Variants in HMGB1 observed in about 807,000 individuals in gnomAD.
HMGB1 encodes high mobility group protein B1.
For synonymous variants in HMGB1, 81 were observed against 84.0 expected (o/e 0.96, Z 0.19); for missense variants, 79 against 253.5 (o/e 0.31, Z 4.67).
chr13:30,518,900 A>AT (rs1258378490), intron 1 of HMGB1, among the ~76,000 whole-genome samples: 6 of 147,138 alleles, frequency 4.1e-5, no homozygotes, highest in Non-Finnish European at 6.0e-5. Context: ...TTTTTATTTT[A>AT]TTTTATTTTT....
intron 1 of HMGB1, among the ~76,000 whole-genome samples, chr13:30,538,520 T>TTTCC (rs1868603230): frequency 7.6e-6 from 1 of 132,030 alleles, no homozygotes; most frequent in Admixed American, 7.2e-5. Flanking sequence ...CCTTTCTTTC[T>TTTCC]TTCCTTTCTT....
chr13:30,475,522 C>G (rs1887074577), intron 1 of HMGB1, among the ~76,000 whole-genome samples: 1 of 141,882 alleles, frequency 7.0e-6, no homozygotes, highest in Admixed American at 7.0e-5. Flanking sequence ...TTGAGACCAT[C>G]TCTAAAAAAA....
chr13:30,536,339 TTCTCC>T (rs1229174853), intron 1 of HMGB1, among the ~76,000 whole-genome samples: 1 of 152,220 alleles, frequency 6.6e-6, no homozygotes, highest in African/African-American at 2.4e-5. Context: ...ACTTTCCCCC[TTCTCC>T]TCTCCTAATT....
intron 1 of HMGB1, among the ~76,000 whole-genome samples, chr13:30,545,521 C>G (rs1157332309): frequency 6.6e-6 from 1 of 152,064 alleles, no homozygotes; most frequent in African/African-American, 2.4e-5. Context: ...ATTCTACTCA[C>G]TTCCTGTTTT....
intron 1 of HMGB1, among the ~76,000 whole-genome samples, chr13:30,549,723 T>C (rs1869335168): frequency 6.6e-6 from 1 of 151,332 alleles, no homozygotes; most frequent in Non-Finnish European, 1.5e-5. Flanking sequence ...TTTTTTTTTT[T>C]TGAGATGGAG....
Position 30,463,561 on chromosome 13 carries a change from C to T in HMGB1, c.120G>A (p.Glu40=), listed in dbSNP as rs757070583. The T allele has an allele frequency of 3.1e-6, 5 of 1,611,866 alleles. No homozygotes were observed. The African/African-American group carries it at 5.3e-5, about 17-fold the overall frequency. ...KHPDASVNFS[E]FSKKCSERWK... ...ACCTCTCTGAGCACTTCTTAGAAAA[C>T]TCTGAGAAGTTGACTGAAGCATCTG... is the stretch of plus-strand genomic sequence containing the variant. The change falls in exon 2 of 5, where the codon GAG becomes GAA. Residue 40 remains glutamate, a synonymous_variant. Coordinates refer to ENST00000341423, the MANE Select transcript of HMGB1 (RefSeq NM_002128.7).
intron 1 of HMGB1, among the ~76,000 whole-genome samples, chr13:30,564,447 CAGAG>C (rs767251860): frequency 6.6e-6 from 1 of 151,728 alleles, no homozygotes; most frequent in South Asian, 2.1e-4. Flanking sequence ...GCCTGGGCAA[CAGAG>C]AGAGAGAGAC....
chr13:30,478,582 GTA>G, intron 1 of HMGB1, among the ~76,000 whole-genome samples: 1 of 152,208 alleles, frequency 6.6e-6, no homozygotes, highest in Non-Finnish European at 1.5e-5. Flanking sequence ...TTGAAAAAGA[GTA>G]TGTATGAATC....
At chr13:30,554,715 AT>A in intron 1 of HMGB1, 1 of 770,110 alleles carries the variant, frequency 1.3e-6, no homozygotes, top group Non-Finnish European at 2.4e-6. Context: ...ACGGAAACAT[AT>A]TCTAGAGGAC....
intron 1 of HMGB1, among the ~76,000 whole-genome samples, chr13:30,495,475 CTTTTCT>C (rs1566005506): frequency 4.4e-4 from 62 of 141,614 alleles, no homozygotes; most frequent in Non-Finnish European, 6.3e-4. Flanking sequence ...TTTTCTTTTT[CTTTTCT>C]TTTTTTTTTT....
chr13:30,545,940 G>A (rs553289931), intron 1 of HMGB1, among the ~76,000 whole-genome samples: 5 of 152,186 alleles, frequency 3.3e-5, no homozygotes, highest in East Asian at 1.9e-4. Flanking sequence ...GGGCTCAAGC[G>A]AACCACCCAC....
chr13:30,602,179 A>G (rs1307514423), intron 1 of HMGB1, among the ~76,000 whole-genome samples: 3 of 150,962 alleles, frequency 2.0e-5, no homozygotes, highest in Non-Finnish European at 4.4e-5. Context: ...GGACACCAGC[A>G]CCACGGCCTC....
intron 1 of HMGB1, among the ~76,000 whole-genome samples, chr13:30,465,508 A>AT (rs1319113349): frequency 7.0e-4 from 102 of 146,428 alleles, no homozygotes; most frequent in Admixed American, 2.0e-3. Flanking sequence ...TAAAAAAAAA[A>AT]TTTTTTTTTT....
chr13:30,568,168 G>A (rs1386395439), intron 1 of HMGB1, among the ~76,000 whole-genome samples: 2 of 152,070 alleles, frequency 1.3e-5, no homozygotes, highest in Non-Finnish European at 2.9e-5. Context: ...CCCCCAAAAA[G>A]ATATGTCCAT....
rs887956703 is a variant in HMGB1, at chr13:30,458,953, T to G, written c.*2404A>C. On this transcript the variant is annotated 3_prime_UTR_variant, in exon 5 of 5. Transcript: ENST00000341423. ...ATTTGACTCGTTAATCAATATGCCA[T>G]ATGCCTATCTTTAAAATACAAAAAA... 9.2e-5 allele frequency: 14 copies of G among 152,212 alleles called. No individual in the cohort carries two copies. Among genetic ancestry groups the G allele is most frequent in the African/African-American group, 3.4e-4 (14 of 41,442 alleles). The allele number at this position is 152,212 out of a possible 1,614,324, so 9.4% of individuals were successfully genotyped here. A position where few individuals can be genotyped will look rare whatever the true frequency, so the allele number is the denominator to read the frequency against.
intron 1 of HMGB1, among the ~76,000 whole-genome samples, chr13:30,481,620 C>T (rs761029847): frequency 3.9e-5 from 6 of 152,184 alleles, no homozygotes; most frequent in East Asian, 1.9e-4. Context: ...CTGGCTCCCC[C>T]GGTGGGGCAA....
intron 1 of HMGB1, among the ~76,000 whole-genome samples, chr13:30,610,774 C>G (rs1295111758): frequency 6.6e-6 from 1 of 151,300 alleles, no homozygotes. Flanking sequence ...GTCTATATTG[C>G]TTAGCAAAAC....
intron 1 of HMGB1, among the ~76,000 whole-genome samples, chr13:30,553,340 T>C (rs1404295793): frequency 6.6e-6 from 1 of 152,206 alleles, no homozygotes; most frequent in East Asian, 1.9e-4. Context: ...TAAGACAATG[T>C]GGTAACGTAA....
At chr13:30,519,435 C>T (rs1208994933) in intron 1 of HMGB1, among the ~76,000 whole-genome samples, 12 of 151,110 alleles carry the variant, frequency 7.9e-5, no homozygotes, top group East Asian at 3.9e-4. Flanking sequence ...GTGGTTCACG[C>T]CTGTAATCCC....
Sources: gnomAD v4.1 joint callset for allele counts (sites outside exome capture counted in the v4.1 genomes callset) on GRCh38, gnomAD v4.1.1 for gene constraint, MANE v1.5 for transcripts, NCBI Gene and HGNC (gene_info 2026-07-23, HGNC 2026-07-21) for gene names.